The following MYO3A variants were observed in gnomAD, a reference collection of about 807,000 sequenced individuals.
The protein encoded by MYO3A is myosin IIIA, also known as myosin-IIIa.
Under a neutral mutation model 192.7 loss-of-function variants are expected in MYO3A, and 180 were observed. The observed-to-expected ratio is 0.93, with a 90% confidence interval of 0.83 to 1.06. The LOEUF (loss-of-function observed/expected upper bound fraction) is 1.06. MYO3A is among the 50% of genes least tolerant of loss of function. The pLI, the probability that MYO3A is intolerant of heterozygous loss-of-function variation, is 0.00. For synonymous variants in MYO3A, 628 were observed against 645.3 expected (o/e 0.97, Z 0.41); for missense variants, 1,896 against 1,905.0 (o/e 1.00, Z 0.09).
chr10:26,102,466 A>G (rs1837519339), intron 17 of MYO3A, among the ~76,000 whole-genome samples: 1 of 152,150 alleles, frequency 6.6e-6, no homozygotes, highest in African/African-American at 2.4e-5. Context: ...CCTTTGGAGG[A>G]GAAGTGGCCC....
chr10:25,980,572 A>G (rs188644678), intron 4 of MYO3A, among the ~76,000 whole-genome samples: 3 of 152,302 alleles, frequency 2.0e-5, no homozygotes, highest in Admixed American at 2.0e-4. Context: ...TGGATATAAA[A>G]TTCAGTCATG....
intron 34 of MYO3A, 112 bp from the exon 35 acceptor site, chr10:26,211,731 G>T: frequency 5.2e-4 from 725 of 1,399,528 alleles, no homozygotes; most frequent in Non-Finnish European, 5.6e-4. Flanking sequence ...TTTCCTAAAT[G>T]TCCGCGGTTG....
chr10:26,067,108 C>A, intron 11 of MYO3A, 34 bp downstream of exon 11: 2 of 1,358,400 alleles, frequency 1.5e-6, no homozygotes, highest in South Asian at 2.3e-5. Context: ...CTTAGACATT[C>A]CAGATGTTTT....
chr10:26,178,849 T>C (rs1045150345), intron 31 of MYO3A, among the ~76,000 whole-genome samples: 5 of 151,764 alleles, frequency 3.3e-5, no homozygotes, highest in African/African-American at 4.8e-5. Flanking sequence ...TCACCCAGGC[T>C]GTAGTGCAGT....
chr10:26,139,094 A>G (rs1343861690), intron 20 of MYO3A, among the ~76,000 whole-genome samples: 1 of 152,188 alleles, frequency 6.6e-6, no homozygotes, highest in African/African-American at 2.4e-5. Flanking sequence ...ACTCCTAATA[A>G]TAGCTGACAG....
intron 31 of MYO3A, among the ~76,000 whole-genome samples, chr10:26,179,134 T>C (rs1268913837): frequency 1.6e-5 from 2 of 124,994 alleles, no homozygotes; most frequent in African/African-American, 6.1e-5. Flanking sequence ...GTTTCACTCT[T>C]GTTGTCCAGG....
chr10:26,208,325 A>C (rs1844068005), intron 34 of MYO3A, among the ~76,000 whole-genome samples: 1 of 152,182 alleles, frequency 6.6e-6, no homozygotes, highest in South Asian at 2.1e-4. Context: ...TGCCTCAGTT[A>C]AGAGACAGGA....
At chr10:26,090,992 A>G (rs1222194656) in intron 15 of MYO3A, among the ~76,000 whole-genome samples, 9 of 152,196 alleles carry the variant, frequency 5.9e-5, no homozygotes, top group Admixed American at 4.6e-4. Flanking sequence ...TCAGGGAGAG[A>G]GCAAGGGGAT....
intron 17 of MYO3A, among the ~76,000 whole-genome samples, chr10:26,112,426 T>C (rs1165126322): frequency 1.3e-5 from 2 of 152,228 alleles, no homozygotes; most frequent in Admixed American, 1.3e-4. Context: ...ATTTTTATGC[T>C]ATCTTATTGG....
chr10:25,967,749 GA>G lies in MYO3A; in HGVS notation c.303+12747del, dbSNP rs1838351972. Among the ~76,000 whole-genome samples the G allele has an allele frequency of 2.0e-5, 3 of 151,962 alleles. No individual in the cohort carries two copies. The South Asian group carries it at 6.2e-4, about 32-fold the overall frequency. The stretch of plus-strand genomic sequence containing the variant: ...ATAATGTTGAAAGAAATGGAATATA[GA>G]AAAAAGAACTGAATAGAACTTCTAA... On this transcript the variant is annotated intron_variant, in intron 4 of 34. Transcript: ENST00000642920.
intron 10 of MYO3A, among the ~76,000 whole-genome samples, chr10:26,060,633 A>G (rs1834408633): frequency 6.6e-6 from 1 of 152,230 alleles, no homozygotes. Flanking sequence ...TGACAAATCA[A>G]TGTATGCATA....
At chr10:26,009,603 G>A (rs1240545438) in intron 6 of MYO3A, among the ~76,000 whole-genome samples, 1 of 152,096 alleles carries the variant, frequency 6.6e-6, no homozygotes, top group African/African-American at 2.4e-5. Flanking sequence ...TTGCTATCAA[G>A]TTCACTCAAA....
At chr10:25,988,449 T>C (rs913008971) in intron 4 of MYO3A, among the ~76,000 whole-genome samples, 1 of 152,184 alleles carries the variant, frequency 6.6e-6, no homozygotes, top group Non-Finnish European at 1.5e-5. Context: ...GATGAAGATA[T>C]GGAACAACTA....
intron 31 of MYO3A, among the ~76,000 whole-genome samples, chr10:26,186,969 T>C (rs186534518): frequency 6.6e-6 from 1 of 152,332 alleles, no homozygotes; most frequent in East Asian, 1.9e-4. Context: ...TATCCCAGAT[T>C]TTCTTCCAAG....
chr10:26,038,666 G>T (rs897008698), intron 10 of MYO3A, among the ~76,000 whole-genome samples: 2 of 152,054 alleles, frequency 1.3e-5, no homozygotes, highest in Non-Finnish European at 2.9e-5. Context: ...TTTCAATGTG[G>T]ACTCCCTTTA....
chr10:25,946,620 C>T (rs1486384718), intron 2 of MYO3A, among the ~76,000 whole-genome samples: 4 of 151,514 alleles, frequency 2.6e-5, no homozygotes, highest in Admixed American at 6.6e-5. Context: ...TGGCTCACAC[C>T]GGTAATCCCA....
At position 26,091,472 on chromosome 10, in the gene MYO3A, T is replaced by C. The variant is rs186944006; in HGVS notation, c.1562+3067T>C. On this transcript the variant is annotated intron_variant, in intron 15 of 34. Coordinates refer to ENST00000642920, the MANE Select transcript of MYO3A (RefSeq NM_017433.5). ...AGATAATTCTCATAAATACAAATTA[T>C]AGCTATTTCCATTGCAGTTTCCTCC... 2.2e-4 allele frequency among the ~76,000 whole-genome samples: 33 copies of C among 152,334 alleles called. No individual in the cohort carries two copies. The East Asian group carries it at 6.0e-3, about 28-fold the overall frequency.
In MYO3A at chr10:26,062,515, C is replaced by CAAAAAAAAAAAAAAAA. The variant is rs573334201; in HGVS notation, c.954-4457_954-4442dup. Among the ~76,000 whole-genome samples the CAAAAAAAAAAAAAAAA allele has an allele frequency of 5.7e-4, 24 of 42,242 alleles. 1 individual carries two copies. Among genetic ancestry groups the CAAAAAAAAAAAAAAAA allele is most frequent in the Non-Finnish European group, 9.4e-4 (15 of 16,012 alleles). 27.7% of individuals were successfully genotyped at this position (42,242 alleles called of 152,430 possible). A position where few individuals can be genotyped will look rare whatever the true frequency, so the allele number is the denominator to read the frequency against. On this transcript the variant is annotated intron_variant, in intron 10 of 34. Transcript: ENST00000642920. Reference sequence around the variant, plus strand: ...CTGGCGACAGAGTGAGATGCCATCTCAAAAAAAAAAAAAAAAAATTATGGA... The same window carrying CAAAAAAAAAAAAAAAA: ...CTGGCGACAGAGTGAGATGCCATCTCAAAAAAAAAAAAAAAAAAAAAAAAAAAAAAAAAATTATGGA...
At chr10:26,057,920 C>G (rs1382367124) in intron 10 of MYO3A, among the ~76,000 whole-genome samples, 1 of 151,770 alleles carries the variant, frequency 6.6e-6, no homozygotes. Context: ...GCACAGCCTT[C>G]TCCACTGTCA....
Sources: gnomAD v4.1 joint callset for allele counts (sites outside exome capture counted in the v4.1 genomes callset) on GRCh38, gnomAD v4.1.1 for gene constraint, MANE v1.5 for transcripts, NCBI Gene and HGNC (gene_info 2026-07-23, HGNC 2026-07-21) for gene names.